The following GULP1 variants were observed in gnomAD, a reference collection of about 807,000 sequenced individuals.
The protein encoded by GULP1 is GULP PTB domain containing engulfment adaptor 1, also known as PTB domain-containing engulfment adapter protein 1.
Under a neutral mutation model 40.9 loss-of-function variants are expected in GULP1, and 19 were observed. The observed-to-expected ratio is 0.46, with a 90% CI of 0.32 to 0.68. GULP1 has a LOEUF of 0.68. GULP1 is among the 30% of genes least tolerant of loss of function. The probability of loss-of-function intolerance (pLI) is 0.03; values close to 1 mark genes in which losing one functional copy is unlikely to be tolerated. For synonymous variants in GULP1, 119 were observed against 117.6 expected (o/e 1.01, Z -0.08); for missense variants, 312 against 362.2 (o/e 0.86, Z 1.12).
At chr2:188,304,438 T>C (rs953905466) in intron 1 of GULP1, among the ~76,000 whole-genome samples, 1 of 152,214 alleles carries the variant, frequency 6.6e-6, no homozygotes, top group Non-Finnish European at 1.5e-5. Context: ...TCATGTTAAA[T>C]GTTTTTTACA....
rs1205360335 is a variant in GULP1, at chr2:188,383,769, A to G, written c.-165A>G. ...ATTATATTTTTCTTTTTAGTTATTTATGATTCCATCTGATATACATAGGAG... is the reference window on the plus strand; with the variant it reads ...ATTATATTTTTCTTTTTAGTTATTTGTGATTCCATCTGATATACATAGGAG... On this transcript the variant is annotated 5_prime_UTR_variant, in exon 2 of 12. The change abolishes an upstream ATG in the 5' untranslated region. Coordinates refer to ENST00000409830, the MANE Select transcript of GULP1 (RefSeq NM_016315.4). The G allele has an allele frequency of 1.3e-5, 2 of 152,200 alleles. No individual in the cohort carries two copies. Among genetic ancestry groups the G allele is most frequent in the African/African-American group, 4.8e-5 (2 of 41,472 alleles). 9.4% of individuals were successfully genotyped at this position (152,200 alleles called of 1,614,324 possible).
chr2:188,512,012 T>C (rs997007379), intron 4 of GULP1, among the ~76,000 whole-genome samples: 1 of 152,144 alleles, frequency 6.6e-6, no homozygotes, highest in Non-Finnish European at 1.5e-5. Context: ...CAAATGACTA[T>C]TATGATGTGC....
intron 2 of GULP1, among the ~76,000 whole-genome samples, chr2:188,464,230 A>C (rs2059938338): frequency 6.6e-6 from 1 of 152,278 alleles, no homozygotes; most frequent in South Asian, 2.1e-4. Context: ...GGGGACCTCA[A>C]GTTCCCTAAT....
intron 2 of GULP1, among the ~76,000 whole-genome samples, chr2:188,429,245 G>C (rs1486935508): frequency 6.6e-6 from 1 of 152,132 alleles, no homozygotes; most frequent in Non-Finnish European, 1.5e-5. Context: ...GCTGTCACCT[G>C]TAATCCCAGC....
At chr2:188,519,226 C>T (rs1295148492) in intron 4 of GULP1, among the ~76,000 whole-genome samples, 1 of 152,100 alleles carries the variant, frequency 6.6e-6, no homozygotes, top group Non-Finnish European at 1.5e-5. Context: ...TTGCATTACA[C>T]AAAGGATTTA....
chr2:188,545,884 A>G (rs1183451475), intron 7 of GULP1, among the ~76,000 whole-genome samples: 1 of 151,904 alleles, frequency 6.6e-6, no homozygotes, highest in Non-Finnish European at 1.5e-5. Flanking sequence ...AAATGAAAGA[A>G]TGAAAAGAGA....
chr2:188,300,872 T>C lies in GULP1; in HGVS notation c.-172+8706T>C, dbSNP rs1438758934. Among the ~76,000 whole-genome samples, 4 of 152,320 alleles carry C rather than the reference T, an allele frequency of 2.6e-5. No individual in the cohort carries two copies. The East Asian group carries it at 7.7e-4, about 29-fold the overall frequency. On this transcript the variant is annotated intron_variant, in intron 1 of 11. Transcript: ENST00000409830. ...TTTTGTACTTGAAAATTGACAATACTGTCAAGATCACAATAAGAAATAACT... is the reference window on the plus strand; with the variant it reads ...TTTTGTACTTGAAAATTGACAATACCGTCAAGATCACAATAAGAAATAACT...
intron 1 of GULP1, among the ~76,000 whole-genome samples, chr2:188,379,732 A>G (rs1353939179): frequency 6.6e-6 from 1 of 152,216 alleles, no homozygotes; most frequent in African/African-American, 2.4e-5. Flanking sequence ...TCATCTTATT[A>G]CTAAAGTTTT....
chr2:188,480,142 A>G (rs1196054283), intron 3 of GULP1, among the ~76,000 whole-genome samples: 1 of 152,122 alleles, frequency 6.6e-6, no homozygotes, highest in East Asian at 1.9e-4. Context: ...CAATAACATT[A>G]TTTCATTAAA....
intron 1 of GULP1, among the ~76,000 whole-genome samples, chr2:188,369,536 G>T (rs2047324237): frequency 6.6e-6 from 1 of 152,030 alleles, no homozygotes; most frequent in African/African-American, 2.4e-5. Context: ...TGGCTCTTCT[G>T]AGTAGATTCC....
At chr2:188,370,734 A>T (rs2047489055) in intron 1 of GULP1, among the ~76,000 whole-genome samples, 1 of 152,218 alleles carries the variant, frequency 6.6e-6, no homozygotes, top group East Asian at 1.9e-4. Context: ...TAAGTCCTTG[A>T]GCTAACACTC....
intron 2 of GULP1, among the ~76,000 whole-genome samples, chr2:188,428,728 C>G (rs927300851): frequency 6.6e-6 from 1 of 152,046 alleles, no homozygotes; most frequent in African/African-American, 2.4e-5. Flanking sequence ...AACCATGAGC[C>G]AATTTAACCT....
intron 2 of GULP1, among the ~76,000 whole-genome samples, chr2:188,458,478 A>C (rs143615315): frequency 6.6e-6 from 1 of 152,034 alleles, no homozygotes; most frequent in Non-Finnish European, 1.5e-5. Context: ...CTAGCCCCCT[A>C]TCCTCTGAAA....
chr2:188,419,264 G>C lies in GULP1; in HGVS notation c.-45+35375G>C, dbSNP rs147300371. ...ATAATAGTTTTTTTTTAAGTTGTTT[G>C]AGAAACCTCTGTACTTTCATCCGTA... On this transcript the variant is annotated intron_variant, in intron 2 of 11. Transcript: ENST00000409830. Among the ~76,000 whole-genome samples the C allele has an allele frequency of 1.5e-3, 229 of 152,174 alleles. 1 individual carries two copies. The highest frequency in any genetic ancestry group is 4.0e-3 in the African/African-American group (167 of 41,532).
intron 1 of GULP1, among the ~76,000 whole-genome samples, chr2:188,367,049 T>A (rs1371491802): frequency 6.6e-6 from 1 of 152,246 alleles, no homozygotes; most frequent in Admixed American, 6.5e-5. Context: ...TGGATGTTTT[T>A]ACCTTTATAT....
At chr2:188,386,982 A>C (rs2049855495) in intron 2 of GULP1, among the ~76,000 whole-genome samples, 1 of 152,178 alleles carries the variant, frequency 6.6e-6, no homozygotes, top group African/African-American at 2.4e-5. Flanking sequence ...TCATGCCTGT[A>C]ATCCTGCACT....
chr2:188,355,791 C>T (rs7579610), intron 1 of GULP1, among the ~76,000 whole-genome samples: 26,972 of 151,700 alleles, frequency 0.18, 2,463 homozygotes, highest in East Asian at 0.25. Flanking sequence ...ACTAGCAAAC[C>T]AGTATTTTGA....
At chr2:188,374,654 A>G (rs546787534) in intron 1 of GULP1, among the ~76,000 whole-genome samples, 4 of 152,000 alleles carry the variant, frequency 2.6e-5, no homozygotes, top group Admixed American at 2.0e-4. Flanking sequence ...CCACATTCCC[A>G]CTCATAAGTG....
intron 1 of GULP1, among the ~76,000 whole-genome samples, chr2:188,312,462 G>T (rs892609523): frequency 2.0e-5 from 3 of 152,066 alleles, no homozygotes; most frequent in Non-Finnish European, 4.4e-5. Context: ...CCATGTCCCT[G>T]CAAAGGACAT....
Sources: allele counts gnomAD v4.1 joint callset (sites outside exome capture counted in the v4.1 genomes callset), GRCh38; gene constraint gnomAD v4.1.1; transcripts MANE v1.5; gene names NCBI Gene and HGNC (gene_info 2026-07-23, HGNC 2026-07-21).